The following NKAIN3 variants were observed in gnomAD, a reference collection of about 807,000 sequenced individuals.
NKAIN3 encodes sodium/potassium transporting ATPase interacting 3.
In NKAIN3, 25 loss-of-function variants were observed where a neutral mutation model predicts 30.2. The ratio of observed to expected loss-of-function variants is 0.83; its 90% CI spans 0.60 to 1.16. The LOEUF (loss-of-function observed/expected upper bound fraction) is 1.16, where lower values mean the gene tolerates loss of function less well. Ranked by LOEUF, NKAIN3 falls within the 50% of genes most tolerant of loss-of-function variation. NKAIN3 has a pLI of 0.00. For synonymous variants in NKAIN3, 91 were observed against 89.6 expected (o/e 1.02, Z -0.09); for missense variants, 225 against 254.1 (o/e 0.89, Z 0.78).
intron 4 of NKAIN3, among the ~76,000 whole-genome samples, chr8:62,849,880 G>A (rs1471006960): frequency 2.0e-5 from 3 of 152,190 alleles, no homozygotes; most frequent in South Asian, 2.1e-4. Flanking sequence ...TTGGTTCCAA[G>A]TCTTTGCTAT....
At chr8:62,748,978 A>G (rs1047006017) in intron 4 of NKAIN3, among the ~76,000 whole-genome samples, 1 of 152,134 alleles carries the variant, frequency 6.6e-6, no homozygotes, top group Non-Finnish European at 1.5e-5. Flanking sequence ...GTCTTGAAAA[A>G]ATGTGGAGGC....
chr8:62,897,614 T>C (rs1479835139), intron 4 of NKAIN3, among the ~76,000 whole-genome samples: 1 of 152,176 alleles, frequency 6.6e-6, no homozygotes, highest in Non-Finnish European at 1.5e-5. Context: ...GTTTGTTTTG[T>C]CCCTGCCAAA....
At chr8:62,482,509 C>T (rs1183560730) in intron 1 of NKAIN3, 2 of 152,264 alleles carry the variant, frequency 1.3e-5, no homozygotes, top group African/African-American at 2.4e-5. Flanking sequence ...GAAGAGTGAG[C>T]TCAGTGGCAC....
chr8:62,479,197 T>C (rs993798658), intron 1 of NKAIN3, among the ~76,000 whole-genome samples: 7 of 152,172 alleles, frequency 4.6e-5, no homozygotes, highest in Non-Finnish European at 7.3e-5. Flanking sequence ...CAGTGGGAAA[T>C]GCCTTAAATC....
At chr8:62,612,361 A>G (rs555936480) in intron 3 of NKAIN3, among the ~76,000 whole-genome samples, 134 of 152,150 alleles carry the variant, frequency 8.8e-4, no homozygotes, top group African/African-American at 3.0e-3. Context: ...TTGTCGTTAC[A>G]TAGATACCCT....
intron 6 of NKAIN3, among the ~76,000 whole-genome samples, chr8:62,963,389 C>G (rs1431832291): frequency 6.6e-6 from 1 of 152,186 alleles, no homozygotes; most frequent in East Asian, 1.9e-4. Flanking sequence ...GCCTGTTTCA[C>G]TGCTTCACCA....
chr8:62,569,747 G>C (rs1414915946), intron 1 of NKAIN3, among the ~76,000 whole-genome samples: 1 of 151,408 alleles, frequency 6.6e-6, no homozygotes, highest in African/African-American at 2.4e-5. Flanking sequence ...CTGTACTCCA[G>C]TCTGGGCAGT....
Position 62,990,370 on chromosome 8 carries a change from C to G in NKAIN3, c.533-8861C>G, listed in dbSNP as rs1824297180. The stretch of plus-strand genomic sequence containing the variant: ...ATCTTCCTAATCTTTCTAGTGCAGT[C>G]TAATATATAAATTTTATGAAAAGCA... On this transcript the variant is annotated intron_variant, in intron 5 of 5. Coordinates refer to the NKAIN3 transcript ENST00000519049. 3.2e-6 allele frequency: 4 copies of G among 1,245,604 alleles called. No individual in the cohort carries two copies. The South Asian group carries it at 1.5e-4, about 45-fold the overall frequency. The allele number at this position is 1,245,604 out of a possible 1,614,324, so 77.2% of individuals were successfully genotyped here. A position where few individuals can be genotyped will look rare whatever the true frequency, so the allele number is the denominator to read the frequency against.
chr8:62,345,232 A>G (rs1381321064), intron 1 of NKAIN3, among the ~76,000 whole-genome samples: 2 of 149,102 alleles, frequency 1.3e-5, no homozygotes, highest in Non-Finnish European at 3.0e-5. Flanking sequence ...CACAGCCACC[A>G]AAATATGTAC....
intron 1 of NKAIN3, among the ~76,000 whole-genome samples, chr8:62,352,205 T>A (rs1388273585): frequency 6.6e-6 from 1 of 152,168 alleles, no homozygotes; most frequent in Non-Finnish European, 1.5e-5. Flanking sequence ...ACAGAGGTGC[T>A]GAGACACTTC....
intron 4 of NKAIN3, among the ~76,000 whole-genome samples, chr8:62,900,471 G>A (rs925816722): frequency 6.6e-5 from 10 of 152,194 alleles, no homozygotes; most frequent in African/African-American, 2.4e-4. Flanking sequence ...GCAGTAAGCA[G>A]AGAGGTTAAC....
intron 3 of NKAIN3, among the ~76,000 whole-genome samples, chr8:62,741,490 C>G (rs1305891324): frequency 6.6e-6 from 1 of 152,154 alleles, no homozygotes; most frequent in Admixed American, 6.5e-5. Flanking sequence ...TGTGGAATGT[C>G]TTCTCCCCTC....
chr8:62,618,279 T>C (rs998619296), intron 3 of NKAIN3, among the ~76,000 whole-genome samples: 4 of 151,880 alleles, frequency 2.6e-5, no homozygotes, highest in South Asian at 2.1e-4. Context: ...AAAGTGAGAG[T>C]CAAATTTGGA....
intron 6 of NKAIN3, among the ~76,000 whole-genome samples, chr8:62,959,063 T>C (rs1258046490): frequency 6.6e-6 from 1 of 152,244 alleles, no homozygotes; most frequent in Non-Finnish European, 1.5e-5. Context: ...TCTTAACTTG[T>C]CTGATTGCCT....
At chr8:62,646,212 A>G (rs1322943993) in intron 3 of NKAIN3, among the ~76,000 whole-genome samples, 1 of 151,952 alleles carries the variant, frequency 6.6e-6, no homozygotes, top group Non-Finnish European at 1.5e-5. Flanking sequence ...TCCATGAAAC[A>G]GTTTTATCCT....
At chr8:62,864,060 C>A in intron 4 of NKAIN3, 1 of 686,808 alleles carries the variant, frequency 1.5e-6, no homozygotes, top group Non-Finnish European at 2.7e-6. Context: ...CCTGAATGGG[C>A]AACACTTTCC....
chr8:62,751,151 A>C (rs1162707399), intron 4 of NKAIN3, among the ~76,000 whole-genome samples: 2 of 152,138 alleles, frequency 1.3e-5, no homozygotes, highest in Non-Finnish European at 2.9e-5. Flanking sequence ...GGCATCCAGC[A>C]AAAGAACCCT....
intron 1 of NKAIN3, among the ~76,000 whole-genome samples, chr8:62,447,376 G>A (rs1186914091): frequency 6.6e-6 from 1 of 152,016 alleles, no homozygotes; most frequent in Non-Finnish European, 1.5e-5. Flanking sequence ...TTAGTGAGAT[G>A]AAGTCAAACC....
Position 62,965,893 on chromosome 8 carries a change from T to A in NKAIN3, c.*486T>A. On this transcript the variant is annotated 3_prime_UTR_variant, in exon 7 of 7. Coordinates refer to ENST00000623646, the MANE Select transcript of NKAIN3 (RefSeq NM_001304533.3). ...CTGATAAATAGGTACAAATAATGGA[T>A]CCAGCTTTTGGATTGAATATGGGTC... The A allele has an allele frequency of 1.0e-6, 1 of 985,278 alleles. No homozygotes were observed. Among genetic ancestry groups the A allele is most frequent in the Non-Finnish European group, 1.2e-6 (1 of 829,844 alleles). The allele number at this position is 985,278 out of a possible 1,614,324, so 61.0% of individuals were successfully genotyped here.
Sources: gnomAD v4.1 joint callset for allele counts (sites outside exome capture counted in the v4.1 genomes callset) on GRCh38, gnomAD v4.1.1 for gene constraint, MANE v1.5 for transcripts, NCBI Gene and HGNC (gene_info 2026-07-23, HGNC 2026-07-21) for gene names.